Variants in SPTBN5 observed in about 807,000 individuals in gnomAD.
The protein encoded by SPTBN5 is spectrin beta, non-erythrocytic 5.
Under a neutral mutation model 477.6 loss-of-function variants are expected in SPTBN5, and 513 were observed. The observed-to-expected ratio is 1.07, with a 90% CI of 1.00 to 1.16. The LOEUF (loss-of-function observed/expected upper bound fraction) is 1.16, where lower values mean the gene tolerates loss of function less well. SPTBN5 is among the 50% of genes most tolerant of loss of function. SPTBN5 has a pLI of 0.00. For missense variants in SPTBN5, 5,062 were observed against 4,731.8 expected, an observed-to-expected ratio of 1.07 and a Z score of -2.05; for synonymous variants, 2,169 against 2,011.7, an observed-to-expected ratio of 1.08 and a Z score of -2.09.
chr15:41,849,904 G>A lies in SPTBN5; in HGVS notation c.10977C>T (p.Cys3659=), dbSNP rs538681110. Residue 3659 remains cysteine, a synonymous_variant, in exon 67 of 68, where the codon TGC becomes TGT. Transcript: ENST00000320955. The part of the protein sequence containing the change: ...KAKPVSSLNE[C]TTKDARPGCL... ...ATCCAGGCCGGGCATCCTTGGTCGT[G>A]CACTCATTCAGAGAGCTGACAGGTT... 524 of 1,594,248 alleles carry A rather than the reference G, an allele frequency of 3.3e-4. 6 individuals carry two copies. In the South Asian group the frequency reaches 5.7e-3, roughly 17 times the overall value.
Position 41,877,310 on chromosome 15 carries a change from A to T in SPTBN5, c.3517T>A (p.Cys1173Ser). The change falls in exon 18 of 68, where the codon TGC becomes AGC. Residue 1173 changes from cysteine (C) to serine (S), a missense_variant. By Grantham distance (112) the Cys-to-Ser change is moderately radical. Transcript: ENST00000320955. ...TTGGGCACCTCTTGGGAGTCTGGGC[A>T]GTCCAAGGCTGCCATGGGCTGGCTC... is the stretch of plus-strand genomic sequence containing the variant. ...AQSQPMAALD[C>S]PDSQEVPNTL... 6.2e-7 allele frequency: 1 copy of T among 1,612,332 alleles called. No homozygotes were observed. The highest frequency in any genetic ancestry group is 8.5e-7 in the Non-Finnish European group (1 of 1,179,248).
chr15:41,857,682 TG>T lies in SPTBN5; in HGVS notation c.8254del (p.His2752ThrfsTer59). 6.3e-7 allele frequency: 1 copy of T among 1,581,454 alleles called. No homozygotes were observed. Among genetic ancestry groups the T allele is most frequent in the African/African-American group, 1.3e-5 (1 of 74,338 alleles). ...CTCCTGGATGGCCTCCGAGGCTGGGTGGCCCCCCTGCAGCAGCCTCTGTCCC... is the reference window on the plus strand; with the variant it reads ...CTCCTGGATGGCCTCCGAGGCTGGGTGCCCCCCTGCAGCAGCCTCTGTCCC... Reference protein sequence around the residue: ...REGQRLLQGGHPASEAIQERL... With the variant: ...REGQRLLQGGXPASEAIQERL... On this transcript the variant is annotated frameshift_variant, in exon 50 of 68. Transcript: ENST00000320955. LOFTEE classifies it high-confidence loss of function.
At position 41,882,733 on chromosome 15, in the gene SPTBN5, G is replaced by A; in HGVS notation, c.1898C>T (p.Ala633Val). 1 of 1,609,188 alleles carries A rather than the reference G, an allele frequency of 6.2e-7. No individual in the cohort carries two copies. The highest frequency in any genetic ancestry group is 8.5e-7 in the Non-Finnish European group (1 of 1,178,070). ...SLVALVRARR[A>V]LLEQTLQRAE... ...CCGCTGCAGGGTCTGCTCCAGCAGG[G>A]CCCGCCTGAGGGACAATAGGGGCCA... Residue 633 changes from alanine (A) to valine (V), a missense_variant, in exon 10 of 68, where the codon GCC (alanine) becomes GTC (valine). Transcript: ENST00000320955.
chr15:41,853,287 C>T lies in SPTBN5; in HGVS notation c.10141G>A (p.Val3381Met). The T allele has an allele frequency of 6.2e-7, 1 of 1,610,418 alleles. No homozygotes were observed. Among genetic ancestry groups the T allele is most frequent in the South Asian group, 1.1e-5 (1 of 90,856 alleles). The change falls in exon 59 of 68, where the codon GTG becomes ATG. Residue 3381 changes from valine (V) to methionine (M), a missense_variant. By Grantham distance (21) the Val-to-Met change is conservative. Transcript: ENST00000320955. ...QDLRQEGQQL[V>M]DNSHFMSAEV... The stretch of plus-strand genomic sequence containing the variant: ...GCAGACATGAAGTGGCTGTTGTCCA[C>T]CAGCTGCTGTCCTTCCTGCCGCAGG...
At chr15:41,862,073 G>C (rs2066129145) in intron 44 of SPTBN5, 57 bp downstream of exon 44, 4 of 1,392,282 alleles carry the variant, frequency 2.9e-6, no homozygotes, top group Non-Finnish European at 3.8e-6. Context: ...TGAGAGGAAG[G>C]GGAGGGCAGG....
In SPTBN5 at chr15:41,881,870, C is replaced by G. The variant is rs529869309; in HGVS notation, c.2457+66G>C. ...GCCACAAAGGCCCTCCCATTTTTGT[C>G]CTCTGTGTGGCCCAGCCGCGGTGGA... On this transcript the variant is annotated intron_variant, in intron 12 of 67. Coordinates refer to ENST00000320955, the MANE Select transcript of SPTBN5 (RefSeq NM_016642.4). 30 of 1,434,624 alleles carry G rather than the reference C, an allele frequency of 2.1e-5. No homozygotes were observed. The South Asian group carries it at 3.9e-4, about 19-fold the overall frequency. 88.9% of individuals were successfully genotyped at this position (1,434,624 alleles called of 1,614,324 possible).
At chr15:41,873,185 G>A (rs1286431274) in intron 26 of SPTBN5, among the ~76,000 whole-genome samples, 1 of 152,194 alleles carries the variant, frequency 6.6e-6, no homozygotes, top group East Asian at 1.9e-4. Context: ...AGGTGACCTT[G>A]ACAGAGGAGA....
Position 41,866,468 on chromosome 15 carries a change from G to A in SPTBN5, c.6506C>T (p.Ala2169Val). ...TQAEDWIQAWAQQLKEPVPPG... is the reference protein window; with the variant it reads ...TQAEDWIQAWVQQLKEPVPPG... ...AGGGACCGGCTCCTTCAGCTGCTGGGCCCACGCCTGGATCCAGTCCTCAGC... is the reference window on the plus strand; with the variant it reads ...AGGGACCGGCTCCTTCAGCTGCTGGACCCACGCCTGGATCCAGTCCTCAGC... The change falls in exon 37 of 68, where the codon GCC becomes GTC. Residue 2169 changes from alanine (A) to valine (V), a missense_variant. Ala to Val is a moderately conservative substitution (Grantham distance 64, BLOSUM62 0). Coordinates refer to ENST00000320955, the MANE Select transcript of SPTBN5 (RefSeq NM_016642.4). The A allele has an allele frequency of 6.3e-7, 1 of 1,587,946 alleles. No homozygotes were observed. The highest frequency in any genetic ancestry group is 8.6e-7 in the Non-Finnish European group (1 of 1,168,848).
chr15:41,871,411 G>C lies in SPTBN5; in HGVS notation c.5411C>G (p.Ala1804Gly). 6.5e-7 allele frequency: 1 copy of C among 1,536,472 alleles called. No homozygotes were observed. The highest frequency in any genetic ancestry group is 8.8e-7 in the Non-Finnish European group (1 of 1,140,274). The change falls in exon 29 of 68, where the codon GCT becomes GGT. Residue 1804 changes from alanine to glycine, a missense_variant. Physicochemically the swap from Ala to Gly is moderately conservative, Grantham distance 60. Transcript: ENST00000320955. ...CTGCCTCTGACGGACCATGGGGCCA[G>C]CACTGTGCCCACGCTCTAGCAGGCT... ...AESLLERGHS[A>G]GPMVRQRQQD...
At position 41,855,734 on chromosome 15, in the gene SPTBN5, C is replaced by G. The variant is rs559855200; in HGVS notation, c.9033G>C (p.Ala3011=). 2.5e-6 allele frequency: 4 copies of G among 1,581,938 alleles called. No homozygotes were observed. The highest frequency in any genetic ancestry group is 2.7e-5 in the African/African-American group (2 of 74,412). ...AQQFLTELLE[A]GSWLAERGHV... ...GGCCCCGCTCAGCCAGCCAGGATCC[C>G]GCCTCCAGGAGCTGGGGGTGACAGA... Residue 3011 remains alanine, a synonymous_variant, in exon 54 of 68, where the codon GCG becomes GCC. Coordinates refer to ENST00000320955, the MANE Select transcript of SPTBN5 (RefSeq NM_016642.4).
At chr15:41,850,792 G>A (rs2065726477) in intron 66 of SPTBN5, 62 bp downstream of exon 66, 1 of 1,420,702 alleles carries the variant, frequency 7.0e-7, no homozygotes, top group Non-Finnish European at 9.6e-7. Context: ...AACACTAGGG[G>A]CCCAGGAGCT....
rs1424261902 is a variant in SPTBN5, at chr15:41,851,834, G to A, written c.10601C>T (p.Pro3534Leu). The A allele has an allele frequency of 7.5e-6, 12 of 1,610,442 alleles. No individual in the cohort carries two copies. The East Asian group carries it at 2.7e-4, about 36-fold the overall frequency. The change falls in exon 63 of 68, where the codon CCC becomes CTC. Residue 3534 changes from proline to leucine, a missense_variant. By Grantham distance (98) the Pro-to-Leu change is moderately conservative. Transcript: ENST00000320955. ...GAACTCCAAAGACCCCTCCATGGTG[G>A]GGGTACCCTTTGCATCCTGAAAATG... Reference protein sequence around the residue: ...TRDPQDAKGTPTMEGSLEFKQ... With the variant: ...TRDPQDAKGTLTMEGSLEFKQ...
Position 41,861,782 on chromosome 15 carries a change from C to A in SPTBN5, c.7690G>T (p.Ala2564Ser), listed in dbSNP as rs2066117174. 1 of 1,560,392 alleles carries A rather than the reference C, an allele frequency of 6.4e-7. No homozygotes were observed. Among genetic ancestry groups the A allele is most frequent in the South Asian group, 1.2e-5 (1 of 85,388 alleles). The change falls in exon 45 of 68, where the codon GCC (alanine) becomes TCC (serine). Residue 2564 changes from alanine (A) to serine (S), a missense_variant. Coordinates refer to ENST00000320955, the MANE Select transcript of SPTBN5 (RefSeq NM_016642.4). The stretch of plus-strand genomic sequence containing the variant: ...AGCTGTAGCTGATGCTCCTGCCAGG[C>A]CCCTTCCAGGCTGCTCAGCTCCTGT... ...LEQELSSLEG[A>S]WQEHQLQLQQ...
chr15:41,856,489 C>G lies in SPTBN5; in HGVS notation c.8918G>C (p.Arg2973Pro). Reference protein sequence around the residue: ...GHFAAHEVAARVQQLEKAMAH... With the variant: ...GHFAAHEVAAPVQQLEKAMAH... Reference sequence around the variant, plus strand: ...CATGGCCTTCTCCAGCTGCTGCACCCGGGCGGCCACCTCGTGGGCGGCAAA... The same window carrying G: ...CATGGCCTTCTCCAGCTGCTGCACCGGGGCGGCCACCTCGTGGGCGGCAAA... Residue 2973 changes from arginine (R) to proline (P), a missense_variant, in exon 53 of 68, where the codon CGG becomes CCG. By Grantham distance (103) the Arg-to-Pro change is moderately radical. Coordinates refer to ENST00000320955, the MANE Select transcript of SPTBN5 (RefSeq NM_016642.4). 5 of 1,596,534 alleles carry G rather than the reference C, an allele frequency of 3.1e-6. No individual in the cohort carries two copies. Among genetic ancestry groups the G allele is most frequent in the Non-Finnish European group, 4.3e-6 (5 of 1,172,798 alleles).
intron 35 of SPTBN5, 140 bp downstream of exon 35, chr15:41,867,398 A>G: frequency 1.2e-6 from 1 of 867,662 alleles, no homozygotes; most frequent in Non-Finnish European, 1.8e-6. Context: ...CAACTTGCTC[A>G]GTCAACCCCA....
chr15:41,880,114 G>T, intron 14 of SPTBN5, 46 bp downstream of exon 14: 1 of 1,538,100 alleles, frequency 6.5e-7, no homozygotes, highest in East Asian at 2.3e-5. Context: ...ACCACAGGGA[G>T]GCAGGGGCAA....
Position 41,886,148 on chromosome 15 carries a change from C to T in SPTBN5, c.1107G>A (p.Leu369=), listed in dbSNP as rs777766257. Reference sequence around the variant, plus strand: ...GGAGTGCTGTCTGTAGCCGGAAGAGCAGGGCCTCTGCGGCCCCTCGCTGCT... The same window carrying T: ...GGAGTGCTGTCTGTAGCCGGAAGAGTAGGGCCTCTGCGGCCCCTCGCTGCT... ...RLQQRGAAEA[L]LFRLQTALQA... is the part of the protein sequence containing the mutation. Residue 369 remains leucine (L), a synonymous_variant, in exon 7 of 68, where the codon CTG becomes CTA. Transcript: ENST00000320955. 1 of 1,611,934 alleles carries T rather than the reference C, an allele frequency of 6.2e-7. No individual in the cohort carries two copies. Among genetic ancestry groups the T allele is most frequent in the Non-Finnish European group, 8.5e-7 (1 of 1,179,256 alleles).
intron 46 of SPTBN5, 98 bp downstream of exon 46, chr15:41,861,321 G>A: frequency 9.3e-7 from 1 of 1,080,502 alleles, no homozygotes; most frequent in Non-Finnish European, 1.4e-6. Flanking sequence ...CGAAGGGGAG[G>A]ATCCCTGGCC....
At chr15:41,871,964 C>G (rs1196977540) in intron 27 of SPTBN5, 47 bp from the exon 28 acceptor site, 1 of 1,481,562 alleles carries the variant, frequency 6.7e-7, no homozygotes, top group Non-Finnish European at 9.0e-7. Context: ...GCCCACCCCC[C>G]TGGGGGCCAG....
Sources: allele counts gnomAD v4.1 joint callset (sites outside exome capture counted in the v4.1 genomes callset), GRCh38; gene constraint gnomAD v4.1.1; transcripts MANE v1.5; gene names NCBI Gene and HGNC (gene_info 2026-07-23, HGNC 2026-07-21).